Variants in ACSM2A observed in about 807,000 individuals in gnomAD.
ACSM2A encodes the protein acyl-CoA synthetase medium chain family member 2A, also known as acyl-coenzyme A synthetase ACSM2A, mitochondrial.
ACSM2A carries 72 observed loss-of-function variants against 76.6 expected under a neutral mutation model. That is an observed-to-expected ratio of 0.94 (90% CI 0.78 to 1.14). ACSM2A has a LOEUF of 1.14. Ranked by LOEUF, ACSM2A falls within the 50% of genes most tolerant of loss-of-function variation. The pLI is 0.00. For missense variants in ACSM2A, 684 were observed against 708.5 expected (o/e 0.97, Z 0.39); for synonymous variants, 249 against 255.9 (o/e 0.97, Z 0.26).
chr16:20,471,730 C>A, intron 6 of ACSM2A, 41 bp downstream of exon 6: 1 of 1,583,860 alleles, frequency 6.3e-7, no homozygotes. Flanking sequence ...TCAGAGTGAG[C>A]CCGAGGTTTG....
intron 8 of ACSM2A, chr16:20,476,460 C>T: frequency 1.1e-5 from 11 of 985,460 alleles, no homozygotes; most frequent in Non-Finnish European, 1.3e-5. Context: ...CTTGGAAGAA[C>T]TTTTGCAGAA....
chr16:20,483,119 C>A lies in ACSM2A; in HGVS notation c.1571C>A (p.Thr524Asn). ...CTGTCCCATGACCCAGAACAGCTCA[C>A]CAAGGAGCTGCAGCAGCATGTGAAG... ...QFLSHDPEQLTKELQQHVKSV... is the reference protein window; with the variant it reads ...QFLSHDPEQLNKELQQHVKSV... The change falls in exon 13 of 14, where the codon ACC becomes AAC. Residue 524 changes from threonine (T) to asparagine (N), a missense_variant. Thr to Asn is a moderately conservative substitution (Grantham distance 65). This residue lies in a region of ACSM2A where 159 missense variants were observed against 132.5 expected (regional missense o/e 1.20). Coordinates refer to ENST00000573854, the MANE Select transcript of ACSM2A (RefSeq NM_001308172.2). 1 of 1,614,094 alleles carries A rather than the reference C, an allele frequency of 6.2e-7. No individual in the cohort carries two copies. Among genetic ancestry groups the A allele is most frequent in the Non-Finnish European group, 8.5e-7 (1 of 1,179,990 alleles).
chr16:20,464,386 A>G (rs372384832), intron 2 of ACSM2A, among the ~76,000 whole-genome samples: 32 of 152,212 alleles, frequency 2.1e-4, no homozygotes, highest in African/African-American at 7.5e-4. Context: ...AAGAGATTTA[A>G]TTGGCCCAAA....
chr16:20,457,997 C>T (rs1030246689), intron 1 of ACSM2A, among the ~76,000 whole-genome samples: 4 of 151,830 alleles, frequency 2.6e-5, no homozygotes, highest in African/African-American at 9.7e-5. Flanking sequence ...TGTACAAAAA[C>T]CAGTAGCTCT....
rs2012927400 is a variant in ACSM2A at position 20,465,446 on chromosome 16, C to G, written c.178-71C>G. 3 of 1,565,436 alleles carry G rather than the reference C, an allele frequency of 1.9e-6. No individual in the cohort carries two copies. The African/African-American group carries it at 4.1e-5, about 21-fold the overall frequency. On this transcript the variant is annotated intron_variant, in intron 2 of 13. Transcript: ENST00000573854. Reference sequence around the variant, plus strand: ...TTACTAAGCACCAACTTGGCAATCCCAAGACTTGGAATTTATCCTACCTGC... The same window carrying G: ...TTACTAAGCACCAACTTGGCAATCCGAAGACTTGGAATTTATCCTACCTGC...
chr16:20,470,787 T>C (rs1248694254), intron 4 of ACSM2A: 3 of 592,528 alleles, frequency 5.1e-6, no homozygotes, highest in Non-Finnish European at 9.5e-6. Flanking sequence ...GAGATAACTC[T>C]ATAAGACTTG....
chr16:20,479,012 G>C (rs1168668943), intron 10 of ACSM2A, among the ~76,000 whole-genome samples: 1 of 152,102 alleles, frequency 6.6e-6, no homozygotes, highest in Non-Finnish European at 1.5e-5. Context: ...TCTCCCCTAG[G>C]TATCATCCCC....
intron 2 of ACSM2A, 81 bp from the exon 3 acceptor site, chr16:20,465,436 T>G (rs1395766907): frequency 1.3e-6 from 2 of 1,544,148 alleles, no homozygotes; most frequent in Non-Finnish European, 1.8e-6. Context: ...AAGCACCAAC[T>G]TGGCAATCCC....
intron 9 of ACSM2A, 110 bp from the exon 10 acceptor site, chr16:20,478,466 C>A: frequency 1.6e-6 from 2 of 1,281,516 alleles, no homozygotes; most frequent in Non-Finnish European, 2.1e-6. Context: ...TGTTTTCAGT[C>A]TCCACTAGAG....
chr16:20,479,060 G>A (rs1767300959), intron 10 of ACSM2A, among the ~76,000 whole-genome samples: 1 of 152,102 alleles, frequency 6.6e-6, no homozygotes, highest in Non-Finnish European at 1.5e-5. Context: ...AGCCATGCCA[G>A]GCACTTTACA....
At position 20,486,756 on chromosome 16, in the gene ACSM2A, T is replaced by A; in HGVS notation, c.*78T>A. The A allele has an allele frequency of 1.3e-6, 2 of 1,514,610 alleles. No homozygotes were observed. The highest frequency in any genetic ancestry group is 1.8e-6 in the Non-Finnish European group (2 of 1,101,480). 93.8% of individuals were successfully genotyped at this position (1,514,610 alleles called of 1,614,324 possible). ...CTTTGGGCCCTTGGCCTTCCTATGA[T>A]TATATGAGATTCTTTATGGAAGAAC... On this transcript the variant is annotated 3_prime_UTR_variant, in exon 14 of 14. Coordinates refer to ENST00000573854, the MANE Select transcript of ACSM2A (RefSeq NM_001308172.2).
intron 9 of ACSM2A, 115 bp from the exon 10 acceptor site, chr16:20,478,461 T>A: frequency 8.1e-7 from 1 of 1,228,116 alleles, no homozygotes; most frequent in Non-Finnish European, 1.1e-6. Context: ...GTTGTTGTTT[T>A]CAGTCTCCAC....
In ACSM2A at chr16:20,458,904, G is replaced by GTATATATATATA. The variant is rs1567356709; in HGVS notation, c.-8-1203_-8-1202insTATATATATATA. 1.5e-4 allele frequency among the ~76,000 whole-genome samples: 4 copies of GTATATATATATA among 27,392 alleles called. 1 individual carries two copies. Among genetic ancestry groups the GTATATATATATA allele is most frequent in the African/African-American group, 1.2e-3 (4 of 3,420 alleles). 18.0% of individuals were successfully genotyped at this position (27,392 alleles called of 152,430 possible). ...TACATAGTATATATTATATATATAT[G>GTATATATATATA]CATATATATATATATATATATATAT... is the stretch of plus-strand genomic sequence containing the variant. On this transcript the variant is annotated intron_variant, in intron 1 of 13. Coordinates refer to ENST00000573854, the MANE Select transcript of ACSM2A (RefSeq NM_001308172.2).
intron 2 of ACSM2A, among the ~76,000 whole-genome samples, chr16:20,463,144 AGC>A (rs1426059210): frequency 1.3e-5 from 2 of 151,934 alleles, no homozygotes; most frequent in Non-Finnish European, 2.9e-5. Flanking sequence ...TGACGAGTTA[AGC>A]TGTGCAGCAC....
chr16:20,482,317 ATTTGAG>A (rs1332855523), intron 12 of ACSM2A: 1 of 152,046 alleles, frequency 6.6e-6, no homozygotes, highest in Non-Finnish European at 1.5e-5. Context: ...CAGAGGAGGG[ATTTGAG>A]CCAAAGGACA....
intron 3 of ACSM2A, among the ~76,000 whole-genome samples, chr16:20,466,036 T>C (rs1176650614): frequency 6.6e-6 from 1 of 152,132 alleles, no homozygotes; most frequent in Non-Finnish European, 1.5e-5. Context: ...GTATGAGAAT[T>C]CTATTAAAAT....
chr16:20,467,834 T>C (rs369554295), intron 3 of ACSM2A, among the ~76,000 whole-genome samples: 14 of 152,216 alleles, frequency 9.2e-5, no homozygotes, highest in African/African-American at 3.1e-4. Flanking sequence ...CATCAACTTT[T>C]ACATTAAAAG....
intron 2 of ACSM2A, among the ~76,000 whole-genome samples, chr16:20,463,230 A>G (rs35582795): frequency 1.3e-4 from 20 of 151,530 alleles, no homozygotes; most frequent in South Asian, 2.1e-4. Flanking sequence ...TTAAAGTATA[A>G]TAATAAAAAA....
intron 2 of ACSM2A, among the ~76,000 whole-genome samples, chr16:20,460,572 C>A (rs1293471809): frequency 1.3e-5 from 2 of 151,762 alleles, no homozygotes; most frequent in African/African-American, 4.9e-5. Context: ...TCTGTTGTGA[C>A]CTCCCAGGGT....
Sources: gnomAD v4.1 joint callset for allele counts (sites outside exome capture counted in the v4.1 genomes callset) on GRCh38, gnomAD v4.1.1 for gene constraint, gnomAD v4.1.1 regional missense constraint, MANE v1.5 for transcripts, NCBI Gene and HGNC (gene_info 2026-07-23, HGNC 2026-07-21) for gene names.